RARB: variants seen among roughly 807,000 people sequenced by gnomAD.
RARB encodes the protein retinoic acid receptor beta.
In RARB, 17 loss-of-function variants were observed where a neutral mutation model predicts 51.9. The ratio of observed to expected loss-of-function variants is 0.33; its 90% CI spans 0.22 to 0.49. The LOEUF is 0.49. Among genes scored for constraint, RARB ranks in the 20% least tolerant of loss-of-function variants. RARB has a pLI of 0.99. For missense variants in RARB, 369 were observed against 550.8 expected (o/e 0.67, Z 3.30); for synonymous variants, 215 against 195.4 (o/e 1.10, Z -0.84).
At chr3:25,382,414 T>A (rs62235647) in intron 5 of RARB, among the ~76,000 whole-genome samples, 21,481 of 151,900 alleles carry the variant, frequency 0.14, 2,028 homozygotes, top group Admixed American at 0.29. Flanking sequence ...TGGGAGAATT[T>A]CCCCTGCAGG....
chr3:25,414,655 C>CA (rs2125502711), intron 5 of RARB, among the ~76,000 whole-genome samples: 1 of 152,188 alleles, frequency 6.6e-6, no homozygotes, highest in African/African-American at 2.4e-5. Flanking sequence ...ACCTAATTAG[C>CA]ATTTACCTAA....
chr3:24,957,532 TGAA>T (rs1242732328), intron 2 of RARB, among the ~76,000 whole-genome samples: 1 of 152,132 alleles, frequency 6.6e-6, no homozygotes, highest in African/African-American at 2.4e-5. Flanking sequence ...ACCAGAATTG[TGAA>T]GAAGAAGAAA....
chr3:25,404,715 C>T (rs1457152389), intron 5 of RARB, among the ~76,000 whole-genome samples: 1 of 152,092 alleles, frequency 6.6e-6, no homozygotes, highest in Non-Finnish European at 1.5e-5. Flanking sequence ...TCAAGGGTTG[C>T]CCACAAAGAG....
chr3:25,460,260 C>T (rs1695108261), intron 1 of RARB, among the ~76,000 whole-genome samples: 1 of 151,952 alleles, frequency 6.6e-6, no homozygotes, highest in East Asian at 1.9e-4. Flanking sequence ...TTAAGTGATG[C>T]CGATGCATGT....
intron 2 of RARB, among the ~76,000 whole-genome samples, chr3:25,043,800 C>G (rs542926530): frequency 6.6e-6 from 1 of 151,690 alleles, no homozygotes; most frequent in Admixed American, 6.6e-5. Context: ...TAGAAAACTT[C>G]AGGACCATGG....
At chr3:24,942,827 T>C (rs1207857160) in intron 2 of RARB, among the ~76,000 whole-genome samples, 1 of 152,196 alleles carries the variant, frequency 6.6e-6, no homozygotes, top group East Asian at 1.9e-4. Context: ...ATGGATTCAA[T>C]ATCTGAATTC....
chr3:24,855,057 G>C (rs1191243376), intron 1 of RARB, among the ~76,000 whole-genome samples: 1 of 152,200 alleles, frequency 6.6e-6, no homozygotes, highest in Admixed American at 6.5e-5. Context: ...TCCAAGTGAT[G>C]AGTATGCTAC....
chr3:25,478,612 G>T (rs138104926), intron 2 of RARB, among the ~76,000 whole-genome samples: 1 of 152,308 alleles, frequency 6.6e-6, no homozygotes, highest in Admixed American at 6.5e-5. Context: ...CTGTGAGTGC[G>T]TTCTGGCTTT....
intron 1 of RARB, among the ~76,000 whole-genome samples, chr3:25,433,080 A>G (rs1391175122): frequency 6.6e-6 from 1 of 152,226 alleles, no homozygotes; most frequent in Middle Eastern, 3.2e-3. Context: ...TATTTCAGAA[A>G]TGGGAGTTTT....
chr3:25,356,675 C>A (rs546578717), intron 5 of RARB, among the ~76,000 whole-genome samples: 1 of 152,092 alleles, frequency 6.6e-6, no homozygotes, highest in African/African-American at 2.4e-5. Flanking sequence ...GCCCCCCATT[C>A]CCTGACAGGC....
intron 3 of RARB, among the ~76,000 whole-genome samples, chr3:25,065,935 T>A (rs1381640876): frequency 6.6e-6 from 1 of 152,226 alleles, no homozygotes. Context: ...AATGAAGATT[T>A]TTTTTTTAAA....
intron 2 of RARB, among the ~76,000 whole-genome samples, chr3:24,961,631 C>A (rs1265904886): frequency 1.1e-5 from 1 of 87,924 alleles, no homozygotes; most frequent in Non-Finnish European, 2.4e-5. Context: ...GGAGGGAGGG[C>A]GGGGCATGGA....
intron 5 of RARB, among the ~76,000 whole-genome samples, chr3:25,288,448 G>A (rs1703707914): frequency 6.6e-6 from 1 of 152,148 alleles, no homozygotes; most frequent in Non-Finnish European, 1.5e-5. Flanking sequence ...TCAATGTGCT[G>A]TTTTCTTTGG....
intron 2 of RARB, among the ~76,000 whole-genome samples, chr3:25,006,958 C>A (rs1363803018): frequency 6.6e-6 from 1 of 152,090 alleles, no homozygotes; most frequent in Non-Finnish European, 1.5e-5. Flanking sequence ...TTGTAATAAT[C>A]CACAGTATTA....
chr3:25,516,182 CT>C (rs1698150917), intron 3 of RARB, among the ~76,000 whole-genome samples: 1 of 152,138 alleles, frequency 6.6e-6, no homozygotes, highest in South Asian at 2.1e-4. Context: ...CTAGCTTTTT[CT>C]TTTAGGGCTA....
At chr3:24,917,856 G>A (rs981992824) in intron 2 of RARB, among the ~76,000 whole-genome samples, 14 of 152,190 alleles carry the variant, frequency 9.2e-5, no homozygotes, top group African/African-American at 3.4e-4. Context: ...GAAAACCACA[G>A]TCTACTTCAC....
intron 2 of RARB, among the ~76,000 whole-genome samples, chr3:24,895,169 A>G (rs886756071): frequency 7.9e-5 from 12 of 152,324 alleles, no homozygotes; most frequent in South Asian, 4.1e-4. Flanking sequence ...TATAATCTCT[A>G]TTTCTTCAAA....
intron 1 of RARB, among the ~76,000 whole-genome samples, chr3:25,456,919 C>G (rs964614980): frequency 6.6e-6 from 1 of 152,018 alleles, no homozygotes; most frequent in Non-Finnish European, 1.5e-5. Context: ...AGCCCAGTCA[C>G]TTCCTCTTGG....
intron 2 of RARB, among the ~76,000 whole-genome samples, chr3:24,941,619 C>G (rs1246791531): frequency 6.6e-6 from 1 of 152,150 alleles, no homozygotes; most frequent in Non-Finnish European, 1.5e-5. Flanking sequence ...CCGCCCACCT[C>G]AGCCTCCCAA....
Sources: allele counts gnomAD v4.1 joint callset (sites outside exome capture counted in the v4.1 genomes callset), GRCh38; gene constraint gnomAD v4.1.1; transcripts MANE v1.5; gene names NCBI Gene and HGNC (gene_info 2026-07-23, HGNC 2026-07-21).